ZFPM2: variants seen among roughly 807,000 people sequenced by gnomAD.
The protein encoded by ZFPM2 is zinc finger protein, FOG family member 2.
In ZFPM2, 20 loss-of-function variants were observed where a neutral mutation model predicts 98.6. The ratio of observed to expected loss-of-function variants is 0.20; its 90% confidence interval spans 0.14 to 0.29. ZFPM2 has a LOEUF of 0.29. Ranked by LOEUF, ZFPM2 falls within the 10% of genes least tolerant of loss-of-function variation. The pLI is 1.00. For synonymous variants in ZFPM2, 518 were observed against 502.7 expected, an observed-to-expected ratio of 1.03 and a Z score of -0.41; for missense variants, 1,310 against 1,388.6, an observed-to-expected ratio of 0.94 and a Z score of 0.90.
chr8:105,627,781 G>A (rs1205623224), intron 4 of ZFPM2, among the ~76,000 whole-genome samples: 4 of 151,660 alleles, frequency 2.6e-5, no homozygotes, highest in African/African-American at 4.9e-5. Context: ...TACGGGTTCT[G>A]TGTAGGAGTG....
chr8:105,554,643 T>C (rs116490583), intron 3 of ZFPM2, among the ~76,000 whole-genome samples: 1 of 152,200 alleles, frequency 6.6e-6, no homozygotes, highest in Non-Finnish European at 1.5e-5. Context: ...TAAAACCAAG[T>C]TCAAACCAAT....
chr8:105,379,753 CA>C (rs5893740), intron 1 of ZFPM2, among the ~76,000 whole-genome samples: 83,402 of 125,620 alleles, frequency 0.66, 25,987 homozygotes, highest in Admixed American at 0.73. Context: ...AACTCTGTCT[CA>C]AAAAAAAAAA....
intron 2 of ZFPM2, among the ~76,000 whole-genome samples, chr8:105,435,196 GC>G (rs553997832): frequency 1.7e-4 from 26 of 152,158 alleles, no homozygotes; most frequent in African/African-American, 6.0e-4. Context: ...AAATGGAAAG[GC>G]CCACAAAATA....
chr8:105,726,032 A>G (rs1191341459), intron 5 of ZFPM2, among the ~76,000 whole-genome samples: 1 of 151,672 alleles, frequency 6.6e-6, no homozygotes, highest in Non-Finnish European at 1.5e-5. Flanking sequence ...GAGTAAAATA[A>G]CCTATTTTTA....
chr8:105,715,589 A>G (rs1811506293), intron 5 of ZFPM2, among the ~76,000 whole-genome samples: 1 of 152,004 alleles, frequency 6.6e-6, no homozygotes, highest in Non-Finnish European at 1.5e-5. Context: ...GTTTATATGC[A>G]TACATTTTCT....
At chr8:105,601,677 G>A (rs1026692268) in intron 4 of ZFPM2, among the ~76,000 whole-genome samples, 1 of 151,928 alleles carries the variant, frequency 6.6e-6, no homozygotes, top group Non-Finnish European at 1.5e-5. Context: ...GGACTAATAG[G>A]ACCAAATGAC....
intron 3 of ZFPM2, among the ~76,000 whole-genome samples, chr8:105,465,196 A>G (rs1812776020): frequency 6.6e-6 from 1 of 152,038 alleles, no homozygotes; most frequent in Admixed American, 6.6e-5. Flanking sequence ...TATCTTGAAT[A>G]TAAAGGAAAA....
chr8:105,443,191 C>A (rs1812290355), intron 2 of ZFPM2, among the ~76,000 whole-genome samples: 1 of 151,798 alleles, frequency 6.6e-6, no homozygotes, highest in Admixed American at 6.6e-5. Flanking sequence ...CACCTGTAAT[C>A]CCAGCTACTT....
At chr8:105,468,117 T>G (rs188594711) in intron 3 of ZFPM2, among the ~76,000 whole-genome samples, 39 of 152,114 alleles carry the variant, frequency 2.6e-4, no homozygotes, top group Non-Finnish European at 4.3e-4. Context: ...AAACCATCCT[T>G]ACTTCTTCGG....
At position 105,562,640 on chromosome 8, in the gene ZFPM2, T is replaced by A. The variant is rs73697387; in HGVS notation, c.420+1159T>A. Among the ~76,000 whole-genome samples, 310 of 152,220 alleles carry A rather than the reference T, an allele frequency of 2.0e-3. 2 individuals are homozygous for A. The highest frequency in any genetic ancestry group is 6.7e-3 in the African/African-American group (278 of 41,554). ...GTGGCCCTTCCCTCATAGACCCCCT[T>A]CCATCTTCAAAGCCACCAGGGCCTG... On this transcript the variant is annotated intron_variant, in intron 4 of 7. Coordinates refer to ENST00000407775, the MANE Select transcript of ZFPM2 (RefSeq NM_012082.4).
chr8:105,487,953 T>G (rs1400278764), intron 3 of ZFPM2, among the ~76,000 whole-genome samples: 1 of 148,030 alleles, frequency 6.8e-6, no homozygotes, highest in African/African-American at 2.5e-5. Context: ...TAGCTAGCTA[T>G]CTGTCATGTC....
At chr8:105,335,516 T>C (rs952890084) in intron 1 of ZFPM2, among the ~76,000 whole-genome samples, 54 of 151,762 alleles carry the variant, frequency 3.6e-4, no homozygotes, top group Non-Finnish European at 7.7e-4. Context: ...TCTTGTGGTA[T>C]GTCTTGCCAT....
chr8:105,493,701 T>C (rs1172096558), intron 3 of ZFPM2, among the ~76,000 whole-genome samples: 1 of 152,164 alleles, frequency 6.6e-6, no homozygotes, highest in Non-Finnish European at 1.5e-5. Context: ...ATGTCTCCCA[T>C]AGATAGATAG....
At chr8:105,589,352 G>A (rs1023588046) in intron 4 of ZFPM2, among the ~76,000 whole-genome samples, 1 of 152,112 alleles carries the variant, frequency 6.6e-6, no homozygotes, top group African/African-American at 2.4e-5. Context: ...CGTCAACAAG[G>A]AAGCTACCTT....
At chr8:105,649,387 A>T (rs1817121873) in intron 5 of ZFPM2, among the ~76,000 whole-genome samples, 1 of 152,128 alleles carries the variant, frequency 6.6e-6, no homozygotes, top group Admixed American at 6.5e-5. Flanking sequence ...CTCCTGCCTG[A>T]TTGCCCTGGC....
intron 6 of ZFPM2, among the ~76,000 whole-genome samples, chr8:105,791,826 T>A (rs1329152376): frequency 1.3e-5 from 2 of 152,162 alleles, no homozygotes; most frequent in African/African-American, 4.8e-5. Flanking sequence ...TGGGAGAGTG[T>A]ATGTGTCGAG....
At chr8:105,519,226 G>T (rs187807262) in intron 3 of ZFPM2, among the ~76,000 whole-genome samples, 2 of 152,226 alleles carry the variant, frequency 1.3e-5, no homozygotes, top group Admixed American at 1.3e-4. Context: ...GAGCCCGTGT[G>T]TTTAAGTTAT....
At chr8:105,610,061 A>G (rs1454340417) in intron 4 of ZFPM2, among the ~76,000 whole-genome samples, 1 of 152,094 alleles carries the variant, frequency 6.6e-6, no homozygotes, top group Non-Finnish European at 1.5e-5. Context: ...GCAATTATGA[A>G]TTTCTTGAGG....
chr8:105,514,275 T>C (rs1213363816), intron 3 of ZFPM2, among the ~76,000 whole-genome samples: 2 of 150,920 alleles, frequency 1.3e-5, no homozygotes, highest in Non-Finnish European at 1.5e-5. Context: ...AGTGCTGGGA[T>C]TACAGGCGTG....
Sources: gnomAD v4.1 joint callset for allele counts (sites outside exome capture counted in the v4.1 genomes callset) on GRCh38, gnomAD v4.1.1 for gene constraint, MANE v1.5 for transcripts, NCBI Gene and HGNC (gene_info 2026-07-23, HGNC 2026-07-21) for gene names.